The following ARFGAP3 variants were observed in gnomAD, a reference collection of about 807,000 sequenced individuals.
The protein encoded by ARFGAP3 is ARF GTPase activating protein 3.
Under a neutral mutation model 75.0 loss-of-function variants are expected in ARFGAP3, and 72 were observed. The observed-to-expected ratio is 0.96, with a 90% CI of 0.79 to 1.17. The LOEUF is 1.17. ARFGAP3 is among the 50% of genes most tolerant of loss of function. The pLI is 0.00. For synonymous variants in ARFGAP3, 221 were observed against 217.9 expected (o/e 1.01, Z -0.13); for missense variants, 620 against 626.6 (o/e 0.99, Z 0.11).
intron 2 of ARFGAP3, among the ~76,000 whole-genome samples, chr22:42,845,263 C>T (rs150832253): frequency 2.3e-4 from 35 of 152,178 alleles, no homozygotes; most frequent in Admixed American, 7.2e-4. Flanking sequence ...AAGCTTTAGC[C>T]GGGGTAATCC....
intron 1 of ARFGAP3, among the ~76,000 whole-genome samples, chr22:42,855,465 C>T (rs1927454679): frequency 6.6e-6 from 1 of 151,824 alleles, no homozygotes; most frequent in Admixed American, 6.6e-5. Flanking sequence ...GCGGGTGGAT[C>T]ACTTGAGGCC....
At chr22:42,817,294 G>C (rs1569145513) in intron 10 of ARFGAP3, 30 bp from the exon 11 acceptor site, 4 of 1,560,948 alleles carry the variant, frequency 2.6e-6, no homozygotes, top group Non-Finnish European at 3.5e-6. Context: ...ATATATATCA[G>C]TAAGTTCACA....
At position 42,831,609 on chromosome 22, in the gene ARFGAP3, T is replaced by C; in HGVS notation, c.505A>G (p.Ile169Val). ...GATGTTAAAGAAGATGGTTCTGCTATTGCTGATGCCCACGCTGTGTCACTC... is the reference window on the plus strand; with the variant it reads ...GATGTTAAAGAAGATGGTTCTGCTACTGCTGATGCCCACGCTGTGTCACTC... ...EVSDTAWASA[I>V]AEPSSLTSRP... The change falls in exon 6 of 16, where the codon ATA becomes GTA. Residue 169 changes from isoleucine to valine, a missense_variant. Transcript: ENST00000263245. 1.2e-6 allele frequency: 2 copies of C among 1,613,884 alleles called. No homozygotes were observed. Among genetic ancestry groups the C allele is most frequent in the Admixed American group, 1.7e-5 (1 of 59,998 alleles).
rs71653707 is a variant in ARFGAP3, at chr22:42,855,859, A to AAATT, written c.69+1251_69+1254dup. 5.9e-4 allele frequency among the ~76,000 whole-genome samples: 88 copies of AAATT among 150,050 alleles called. No homozygotes were observed. The East Asian group carries it at 0.012, about 20-fold the overall frequency. On this transcript the variant is annotated intron_variant, in intron 1 of 15. Transcript: ENST00000263245. ...ACATAGCAAGACCCTGTCTCTACAA[A>AAATT]AATTAATTAATTAATTAATTAATAA...
At chr22:42,822,171 T>G in intron 9 of ARFGAP3, 99 bp downstream of exon 9, 3 of 901,266 alleles carry the variant, frequency 3.3e-6, no homozygotes, top group Non-Finnish European at 5.1e-6. Context: ...TACCCTCCCT[T>G]CCCCCCCCAC....
Position 42,835,445 on chromosome 22 carries a change from T to C in ARFGAP3, c.310A>G (p.Lys104Glu). The change falls in exon 4 of 16, where the codon AAG (lysine) becomes GAG (glutamate). Residue 104 changes from lysine to glutamate, a missense_variant. By Grantham distance (56) the Lys-to-Glu change is moderately conservative. Transcript: ENST00000263245. ...HGCSTNDTNA[K>E]YNSRAAQLYR... ...AGCTGAGCAGCACGACTGTTGTACT[T>C]GGCATTGGTGTCATTGGTGGAACAC... 6.2e-7 allele frequency: 1 copy of C among 1,614,096 alleles called. No homozygotes were observed. Among genetic ancestry groups the C allele is most frequent in the Non-Finnish European group, 8.5e-7 (1 of 1,179,986 alleles).
intron 14 of ARFGAP3, among the ~76,000 whole-genome samples, chr22:42,805,845 C>A (rs1179503069): frequency 6.6e-6 from 1 of 152,236 alleles, no homozygotes; most frequent in Non-Finnish European, 1.5e-5. Context: ...GGCTGCCTGG[C>A]TCTCTGCCAG....
chr22:42,821,600 T>A (rs537176310), intron 9 of ARFGAP3, among the ~76,000 whole-genome samples: 2 of 152,386 alleles, frequency 1.3e-5, no homozygotes, highest in South Asian at 2.1e-4. Context: ...TGTATGGACA[T>A]ACCACATTTT....
chr22:42,822,170 T>G, intron 9 of ARFGAP3, 100 bp downstream of exon 9: 245 of 695,260 alleles, frequency 3.5e-4, no homozygotes, highest in East Asian at 6.4e-4. Flanking sequence ...GTACCCTCCC[T>G]TCCCCCCCCA....
chr22:42,842,011 C>CTTTTTTTTTTTTTTTTTTTTT (rs55825441), intron 2 of ARFGAP3, among the ~76,000 whole-genome samples: 5 of 91,252 alleles, frequency 5.5e-5, no homozygotes, highest in Non-Finnish European at 6.1e-5. Context: ...CCATGCCGGG[C>CTTTTTTTTTTTTTTTTTTTTT]TTTTTTTTTT....
rs751774838 is a variant in ARFGAP3, at chr22:42,822,251, A to G, written c.812+19T>C. The G allele has an allele frequency of 7.5e-6, 12 of 1,592,292 alleles. No individual in the cohort carries two copies. In the South Asian group the frequency reaches 1.3e-4, roughly 18 times the overall value. On this transcript the variant is annotated intron_variant, in intron 9 of 15. Coordinates refer to ENST00000263245, the MANE Select transcript of ARFGAP3 (RefSeq NM_014570.5). ...TTTTATTCCCTGAAAATGTATTAAT[A>G]TAATGAAATTAAACTTACATTGATT...
At chr22:42,827,777 G>A (rs1055547866) in intron 6 of ARFGAP3, among the ~76,000 whole-genome samples, 1 of 152,132 alleles carries the variant, frequency 6.6e-6, no homozygotes, top group Non-Finnish European at 1.5e-5. Context: ...ATCCTGGTTA[G>A]CAACTCTATG....
chr22:42,809,842 A>G (rs2146533252), intron 12 of ARFGAP3, among the ~76,000 whole-genome samples: 1 of 151,948 alleles, frequency 6.6e-6, no homozygotes, highest in South Asian at 2.1e-4. Flanking sequence ...TCTCTATTAA[A>G]AATACAAAAG....
chr22:42,827,096 T>C (rs1298929287), intron 6 of ARFGAP3, 97 bp from the exon 7 acceptor site: 8 of 1,472,866 alleles, frequency 5.4e-6, no homozygotes, highest in Middle Eastern at 2.0e-4. Context: ...CTACATCTTA[T>C]CCAATTTTGT....
At chr22:42,799,251 C>A (rs1377500372) in intron 14 of ARFGAP3, 91 bp from the exon 15 acceptor site, 2 of 1,559,700 alleles carry the variant, frequency 1.3e-6, no homozygotes, top group Non-Finnish European at 1.7e-6. Flanking sequence ...CTCCAGAGAA[C>A]CCGGATCTCT....
rs1295506418 is a variant in ARFGAP3, at chr22:42,796,698, CTTTATTTG to C, written c.*882_*889del. The C allele has an allele frequency of 6.6e-6, 1 of 152,176 alleles. No homozygotes were observed. The highest frequency in any genetic ancestry group is 2.4e-5 in the African/African-American group (1 of 41,444). 9.4% of individuals were successfully genotyped at this position (152,176 alleles called of 1,614,324 possible). On this transcript the variant is annotated 3_prime_UTR_variant, in exon 16 of 16. Transcript: ENST00000263245. ...TCTAAAACACAGCTAAATTATTTTT[CTTTATTTG>C]TTTATACACATTCGGTAATTTCTGA...
Position 42,797,232 on chromosome 22 carries a change from A to G in ARFGAP3, c.*356T>C, listed in dbSNP as rs955248589. On this transcript the variant is annotated 3_prime_UTR_variant, in exon 16 of 16. Coordinates refer to ENST00000263245, the MANE Select transcript of ARFGAP3 (RefSeq NM_014570.5). ...TGGCAGCCCTGAGCCCATGTGTCAC[A>G]TGGAGACCTCTCCTCCTCCCCCACA... The G allele has an allele frequency of 3.6e-6, 1 of 274,746 alleles. No individual in the cohort carries two copies. The highest frequency in any genetic ancestry group is 6.9e-6 in the Non-Finnish European group (1 of 145,118). The allele number at this position is 274,746 out of a possible 1,614,324, so 17.0% of individuals were successfully genotyped here.
chr22:42,847,653 C>T (rs367868425), intron 1 of ARFGAP3, 21 bp from the exon 2 acceptor site: 1 of 1,606,894 alleles, frequency 6.2e-7, no homozygotes, highest in East Asian at 2.2e-5. Context: ...ATGTTAAATT[C>T]AGTTACTAAT....
chr22:42,850,690 A>G (rs1359652683), intron 1 of ARFGAP3, among the ~76,000 whole-genome samples: 1 of 152,052 alleles, frequency 6.6e-6, no homozygotes, highest in African/African-American at 2.4e-5. Context: ...AGGGCAATAC[A>G]AGGGCAATAC....
Sources: allele counts gnomAD v4.1 joint callset (sites outside exome capture counted in the v4.1 genomes callset), GRCh38; gene constraint gnomAD v4.1.1; transcripts MANE v1.5; gene names NCBI Gene and HGNC (gene_info 2026-07-23, HGNC 2026-07-21).